The following MTSS1 variants were observed in gnomAD, a reference collection of about 807,000 sequenced individuals.
The protein encoded by MTSS1 is MTSS I-BAR domain containing 1.
Under a neutral mutation model 79.0 loss-of-function variants are expected in MTSS1, and 18 were observed. The ratio of observed to expected loss-of-function variants is 0.23; its 90% confidence interval spans 0.16 to 0.34. MTSS1 has a LOEUF of 0.34. Among genes scored for constraint, MTSS1 ranks in the 10% least tolerant of loss-of-function variants. The pLI is 1.00. For synonymous variants in MTSS1, 341 were observed against 368.6 expected (o/e 0.93, Z 0.86); for missense variants, 815 against 986.2 (o/e 0.83, Z 2.33).
intron 6 of MTSS1, among the ~76,000 whole-genome samples, chr8:124,572,525 T>G (rs113045395): frequency 0.012 from 1,841 of 152,262 alleles, 22 homozygotes; most frequent in Non-Finnish European, 0.019. Flanking sequence ...TCGGCAGTGT[T>G]AGGAGAGTCA....
At chr8:124,636,138 C>T (rs1816942849) in intron 3 of MTSS1, among the ~76,000 whole-genome samples, 1 of 152,026 alleles carries the variant, frequency 6.6e-6, no homozygotes, top group Non-Finnish European at 1.5e-5. Context: ...TAACTTTCTC[C>T]TTCTTCTTTG....
intron 10 of MTSS1, among the ~76,000 whole-genome samples, chr8:124,560,294 G>A (rs544514458): frequency 1.3e-5 from 2 of 152,262 alleles, no homozygotes; most frequent in African/African-American, 4.8e-5. Context: ...GCCAAGGCAG[G>A]AAGACTGCTT....
chr8:124,691,672 C>T (rs542691871), intron 3 of MTSS1, among the ~76,000 whole-genome samples: 53 of 152,190 alleles, frequency 3.5e-4, no homozygotes, highest in African/African-American at 1.0e-3. Flanking sequence ...CCCGCCACCA[C>T]ACCCAGCTAA....
chr8:124,671,641 T>C (rs933630633), intron 3 of MTSS1, among the ~76,000 whole-genome samples: 1 of 152,232 alleles, frequency 6.6e-6, no homozygotes, highest in African/African-American at 2.4e-5. Context: ...GAAGGATTCA[T>C]GGCAACAGCA....
chr8:124,573,045 C>T (rs1828185305), intron 6 of MTSS1, among the ~76,000 whole-genome samples: 1 of 152,258 alleles, frequency 6.6e-6, no homozygotes, highest in Non-Finnish European at 1.5e-5. Context: ...CCACACCCGG[C>T]TGTGGATTAC....
At chr8:124,721,679 G>GGGATTACAGGTATGA (rs11276269) in intron 1 of MTSS1, among the ~76,000 whole-genome samples, 1 of 151,828 alleles carries the variant, frequency 6.6e-6, no homozygotes, top group Non-Finnish European at 1.5e-5. Flanking sequence ...CCAGAGTGAT[G>GGGATTACAGGTATGA]GGCACCTCGC....
At chr8:124,567,992 TG>T in intron 7 of MTSS1, 3 of 1,314,590 alleles carry the variant, frequency 2.3e-6, no homozygotes, top group Non-Finnish European at 2.9e-6. Flanking sequence ...CAAAACCACC[TG>T]GAGTGCTCCT....
At chr8:124,717,651 G>A (rs374437115) in intron 1 of MTSS1, among the ~76,000 whole-genome samples, 27 of 151,936 alleles carry the variant, frequency 1.8e-4, no homozygotes, top group East Asian at 1.7e-3. Context: ...CTGAGATCGC[G>A]CCACTGCATA....
In MTSS1 at chr8:124,636,204, A is replaced by G. The variant is rs1563908725; in HGVS notation, c.209-44969T>C. ...GAGTGCAGTGGCACGATCTCCGCTC[A>G]CTGCAACCTCTGCCTCCTAGGTTCA... On this transcript the variant is annotated intron_variant, in intron 3 of 13. Coordinates refer to ENST00000518547, the MANE Select transcript of MTSS1 (RefSeq NM_014751.6). Among the ~76,000 whole-genome samples the G allele has an allele frequency of 2.0e-5, 3 of 152,288 alleles. No individual in the cohort carries two copies. The East Asian group carries it at 5.8e-4, about 29-fold the overall frequency.
chr8:124,586,770 G>T (rs372769436), intron 5 of MTSS1, among the ~76,000 whole-genome samples: 419 of 152,302 alleles, frequency 2.8e-3, no homozygotes, highest in African/African-American at 9.3e-3. Flanking sequence ...CGGACAATGG[G>T]TCTCAATTCA....
chr8:124,564,550 C>T lies in MTSS1; in HGVS notation c.824+1112G>A, dbSNP rs151093701. Among the ~76,000 whole-genome samples the T allele has an allele frequency of 2.7e-3, 413 of 152,268 alleles. 1 individual carries two copies. The highest frequency in any genetic ancestry group is 9.4e-3 in the African/African-American group (390 of 41,548). On this transcript the variant is annotated intron_variant, in intron 9 of 13. Coordinates refer to ENST00000518547, the MANE Select transcript of MTSS1 (RefSeq NM_014751.6). The stretch of plus-strand genomic sequence containing the variant: ...AAAGCTCACAGCAACTCCACCCCGG[C>T]AGCCTCAGAGTTGCAGATGTCAGTG...
rs904300048 is a variant in MTSS1, at chr8:124,727,082, CCACGCGCGCGCGCGCACACACACATG to C, written c.72+776_72+801del. On this transcript the variant is annotated intron_variant, in intron 1 of 13. Transcript: ENST00000518547. The surrounding 1 kb of genome is among the most constrained non-coding windows in gnomAD (Gnocchi z 4.7). The stretch of plus-strand genomic sequence containing the variant: ...AAAACCAGGGTGTTGTTCCCCGCCC[CCACGCGCGCGCGCGCACACACACATG>C]CACGCGCGCACACACACACCATCTT... Among the ~76,000 whole-genome samples, 10 of 152,252 alleles carry C rather than the reference CCACGCGCGCGCGCGCACACACACATG, an allele frequency of 6.6e-5. No homozygotes were observed. Among genetic ancestry groups the C allele is most frequent in the East Asian group, 1.9e-4 (1 of 5,154 alleles).
intron 11 of MTSS1, 169 bp from the exon 12 acceptor site, chr8:124,556,574 G>A: frequency 2.7e-6 from 2 of 741,720 alleles, no homozygotes; most frequent in East Asian, 2.7e-5. Flanking sequence ...TAAAGGGCAA[G>A]GAATGGAAAC....
chr8:124,576,695 A>G (rs6997184), intron 6 of MTSS1, among the ~76,000 whole-genome samples: 75,538 of 152,048 alleles, frequency 0.5, 19,224 homozygotes, highest in Non-Finnish European at 0.56. Context: ...TGAATCAATT[A>G]GTCCTACAAA....
At chr8:124,679,008 A>G (rs971504431) in intron 3 of MTSS1, among the ~76,000 whole-genome samples, 2 of 152,240 alleles carry the variant, frequency 1.3e-5, no homozygotes, top group Non-Finnish European at 2.9e-5. Flanking sequence ...TGAATTCAGG[A>G]GATCCTTGGC....
chr8:124,655,171 C>T lies in MTSS1; in HGVS notation c.208+44355G>A, dbSNP rs113533537. Among the ~76,000 whole-genome samples the T allele has an allele frequency of 7.9e-3, 1,204 of 152,328 alleles. 12 individuals are homozygous for T. Among genetic ancestry groups the T allele is most frequent in the African/African-American group, 0.027 (1,138 of 41,576 alleles). ...CCTGTGGCTGCAACTGCTGTCGGGG[C>T]TCAGGCCCACGCTTGGGGACCTGCT... On this transcript the variant is annotated intron_variant, in intron 3 of 13. Transcript: ENST00000518547.
At chr8:124,674,577 G>A (rs1003454753) in intron 3 of MTSS1, among the ~76,000 whole-genome samples, 23 of 151,962 alleles carry the variant, frequency 1.5e-4, no homozygotes, top group Admixed American at 8.5e-4. Flanking sequence ...ACTCCTGGCC[G>A]CAGGGATCCG....
chr8:124,622,060 A>AAGAGAGAGAG (rs55869660), intron 3 of MTSS1, among the ~76,000 whole-genome samples: 89 of 110,116 alleles, frequency 8.1e-4, no homozygotes, highest in African/African-American at 3.3e-3. Flanking sequence ...CAGAAAGAGA[A>AAGAGAGAGAG]AGAGAGAGAG....
At chr8:124,648,709 G>GCCC (rs565378341) in intron 3 of MTSS1, among the ~76,000 whole-genome samples, 4,230 of 147,648 alleles carry the variant, frequency 0.029, 213 homozygotes, top group African/African-American at 0.096. Context: ...CCAAATAGCA[G>GCCC]CCCCCCCCCA....
Sources: allele counts gnomAD v4.1 joint callset (sites outside exome capture counted in the v4.1 genomes callset), GRCh38; gene constraint gnomAD v4.1.1; non-coding constraint Gnocchi (gnomAD v3.1); transcripts MANE v1.5; gene names NCBI Gene and HGNC (gene_info 2026-07-23, HGNC 2026-07-21).